RYK: variants seen among roughly 807,000 people sequenced by gnomAD.
RYK encodes inactive tyrosine-protein kinase RYK.
Under a neutral mutation model 70.2 loss-of-function variants are expected in RYK, and 21 were observed. The observed-to-expected ratio is 0.30, with a 90% confidence interval of 0.21 to 0.43. The LOEUF (loss-of-function observed/expected upper bound fraction) is 0.43, where lower values mean the gene tolerates loss of function less well. Ranked by LOEUF, RYK falls within the 20% of genes least tolerant of loss-of-function variation. RYK has a pLI of 1.00. For missense variants in RYK, 604 were observed against 753.3 expected, an observed-to-expected ratio of 0.80 and a Z score of 2.32; for synonymous variants, 267 against 278.0, an observed-to-expected ratio of 0.96 and a Z score of 0.39.
chr3:134,237,094 G>A (rs2015216309), intron 1 of RYK, among the ~76,000 whole-genome samples: 1 of 151,880 alleles, frequency 6.6e-6, no homozygotes, highest in South Asian at 2.1e-4. Flanking sequence ...AACTCTTAAG[G>A]CTTATCAAAA....
chr3:134,175,852 C>T (rs1394330458), intron 12 of RYK, 78 bp downstream of exon 12: 1 of 1,549,400 alleles, frequency 6.5e-7, no homozygotes, highest in African/African-American at 1.4e-5. Flanking sequence ...CAACACAAGT[C>T]CCACTGTGAC....
chr3:134,203,011 G>A (rs945291216), intron 5 of RYK, 137 bp from the exon 6 acceptor site: 1 of 690,388 alleles, frequency 1.4e-6, no homozygotes, highest in Non-Finnish European at 2.4e-6. Flanking sequence ...CATATTGGTG[G>A]AAGTTCACAT....
At chr3:134,183,114 A>AT in intron 9 of RYK, 43 bp from the exon 10 acceptor site, 1 of 1,139,590 alleles carries the variant, frequency 8.8e-7, no homozygotes, top group South Asian at 1.5e-5. Context: ...ATAATACTAC[A>AT]TATATGGCAT....
At chr3:134,158,829 T>C (rs2012342611) in intron 14 of RYK, among the ~76,000 whole-genome samples, 1 of 152,188 alleles carries the variant, frequency 6.6e-6, no homozygotes, top group Admixed American at 6.5e-5. Context: ...CAGATCATCT[T>C]CCCTGTATTA....
At chr3:134,213,274 C>T (rs2014456113) in intron 2 of RYK, among the ~76,000 whole-genome samples, 1 of 152,162 alleles carries the variant, frequency 6.6e-6, no homozygotes, top group South Asian at 2.1e-4. Context: ...AACCATGAGA[C>T]CATGTGACTC....
At chr3:134,248,955 T>C (rs1454878490) in intron 1 of RYK, among the ~76,000 whole-genome samples, 1 of 152,078 alleles carries the variant, frequency 6.6e-6, no homozygotes, top group Non-Finnish European at 1.5e-5. Flanking sequence ...TGGCAGGAAT[T>C]CAATGTCAGT....
intron 13 of RYK, among the ~76,000 whole-genome samples, chr3:134,173,739 C>T (rs1015551184): frequency 1.3e-5 from 2 of 152,024 alleles, no homozygotes; most frequent in South Asian, 4.2e-4. Context: ...ATAGCCAAAC[C>T]ATATCAATAT....
chr3:134,243,824 T>A (rs2015385146), intron 1 of RYK, among the ~76,000 whole-genome samples: 1 of 152,142 alleles, frequency 6.6e-6, no homozygotes, highest in Non-Finnish European at 1.5e-5. Context: ...GCTCCTACAA[T>A]AACTTATGTC....
chr3:134,158,166 C>T lies in RYK; in HGVS notation c.1811G>A (p.Gly604Glu), dbSNP rs2012316579. Residue 604 changes from glycine to glutamate, a missense_variant, in exon 15 of 15, where the codon GGG becomes GAG. This residue lies in a region of RYK where 138 missense variants were observed against 217.4 expected (regional missense o/e 0.63). Coordinates refer to ENST00000623711, the MANE Select transcript of RYK (RefSeq NM_002958.4). ...ATTGGAGAGGAGTCAGACGTAGGCC[C>T]CCAGGGCTGCATGAAACTCTGTTAG... Reference protein sequence around the residue: ...QCLTEFHAALGAYV With the variant: ...QCLTEFHAALEAYV 1 of 1,529,098 alleles carries T rather than the reference C, an allele frequency of 6.5e-7. No individual in the cohort carries two copies. Among genetic ancestry groups the T allele is most frequent in the South Asian group, 1.3e-5 (1 of 76,334 alleles). 94.7% of individuals were successfully genotyped at this position (1,529,098 alleles called of 1,614,324 possible).
intron 1 of RYK, among the ~76,000 whole-genome samples, chr3:134,224,544 G>C (rs908194784): frequency 7.9e-5 from 12 of 152,198 alleles, no homozygotes; most frequent in Non-Finnish European, 8.8e-5. Flanking sequence ...GGGCGGGCCT[G>C]ACTCATGTCA....
chr3:134,240,168 T>G (rs372322778), intron 1 of RYK, among the ~76,000 whole-genome samples: 1 of 152,244 alleles, frequency 6.6e-6, no homozygotes, highest in Non-Finnish European at 1.5e-5. Flanking sequence ...TTTTAGATTT[T>G]TTAAGAATTT....
intron 1 of RYK, among the ~76,000 whole-genome samples, chr3:134,227,709 G>A (rs772586622): frequency 1.3e-5 from 2 of 151,660 alleles, no homozygotes; most frequent in African/African-American, 2.4e-5. Context: ...TTGCTCTGTC[G>A]CCGAGGCTGG....
chr3:134,240,019 G>C (rs757253860), intron 1 of RYK, among the ~76,000 whole-genome samples: 2 of 152,174 alleles, frequency 1.3e-5, no homozygotes, highest in Non-Finnish European at 2.9e-5. Context: ...GAGGGGCAGG[G>C]ATAAGAGTGG....
At chr3:134,192,388 A>T (rs1019523062) in intron 7 of RYK, among the ~76,000 whole-genome samples, 2 of 151,940 alleles carry the variant, frequency 1.3e-5, no homozygotes, top group African/African-American at 4.8e-5. Flanking sequence ...ACATGTTTGA[A>T]AAGATTTTTT....
chr3:134,204,595 A>AGC (rs1553771723), intron 5 of RYK, among the ~76,000 whole-genome samples: 20 of 96,690 alleles, frequency 2.1e-4, no homozygotes, highest in East Asian at 1.8e-3. Flanking sequence ...CCACAGCCAC[A>AGC]CACACACACA....
chr3:134,195,763 A>G (rs925088700), intron 6 of RYK, among the ~76,000 whole-genome samples: 1 of 152,192 alleles, frequency 6.6e-6, no homozygotes, highest in Admixed American at 6.5e-5. Context: ...TATGGCCTAC[A>G]TGGTGAAACC....
At position 134,250,691 on chromosome 3, in the gene RYK, G is replaced by T; in HGVS notation, c.-37C>A. ...CCGCCGCCGAAGAGGAGCGTCGGCC[G>T]CCCGCCGCACCGCCGCCCACCCCCG... On this transcript the variant is annotated 5_prime_UTR_variant, in exon 1 of 15. Transcript: ENST00000623711. 1.0e-6 allele frequency: 1 copy of T among 963,088 alleles called. No homozygotes were observed. The highest frequency in any genetic ancestry group is 1.2e-6 in the Non-Finnish European group (1 of 811,810). 59.7% of individuals were successfully genotyped at this position (963,088 alleles called of 1,614,324 possible).
At chr3:134,178,192 C>G in intron 10 of RYK, 119 bp from the exon 11 acceptor site, 1 of 729,876 alleles carries the variant, frequency 1.4e-6, no homozygotes, top group Non-Finnish European at 2.2e-6. Context: ...AACATGATTA[C>G]CATTAAAAAT....
At chr3:134,226,955 C>G (rs1280029087) in intron 1 of RYK, among the ~76,000 whole-genome samples, 1 of 152,080 alleles carries the variant, frequency 6.6e-6, no homozygotes, top group African/African-American at 2.4e-5. Flanking sequence ...GAGGTCCTAG[C>G]CAATGTATTA....
Sources: allele counts gnomAD v4.1 joint callset (sites outside exome capture counted in the v4.1 genomes callset), GRCh38; gene constraint gnomAD v4.1.1; regional missense constraint gnomAD v4.1.1; transcripts MANE v1.5; gene names NCBI Gene and HGNC (gene_info 2026-07-23, HGNC 2026-07-21).